Variants in PRTG observed in about 807,000 individuals in gnomAD.
PRTG encodes protogenin.
Under a neutral mutation model 122.5 loss-of-function variants are expected in PRTG, and 67 were observed. The observed-to-expected ratio is 0.55, with a 90% CI of 0.45 to 0.67. The LOEUF (loss-of-function observed/expected upper bound fraction) is 0.67. Among genes scored for constraint, PRTG ranks in the 30% least tolerant of loss-of-function variants. PRTG has a pLI of 0.00. For missense variants in PRTG, 1,435 were observed against 1,415.4 expected (o/e 1.01, Z -0.22); for synonymous variants, 554 against 501.1 (o/e 1.11, Z -1.41).
At chr15:55,730,625 C>A (rs1243870183) in intron 2 of PRTG, among the ~76,000 whole-genome samples, 2 of 151,894 alleles carry the variant, frequency 1.3e-5, no homozygotes, top group African/African-American at 4.8e-5. Context: ...ACAGTGAAAC[C>A]CCATCTCTAG....
intron 8 of PRTG, among the ~76,000 whole-genome samples, chr15:55,677,068 C>T (rs1022193205): frequency 6.6e-6 from 1 of 152,144 alleles, no homozygotes; most frequent in African/African-American, 2.4e-5. Flanking sequence ...TTCTAAGCCT[C>T]TACCATGGTT....
intron 2 of PRTG, among the ~76,000 whole-genome samples, chr15:55,711,783 T>C (rs1250020087): frequency 6.6e-6 from 1 of 152,210 alleles, no homozygotes; most frequent in Admixed American, 6.5e-5. Context: ...ATCCACAAGC[T>C]TGTAGACAAT....
In PRTG at chr15:55,711,081, A is replaced by T. The variant is rs111889081; in HGVS notation, c.398-27150T>A. Among the ~76,000 whole-genome samples, 1,051 of 115,240 alleles carry T rather than the reference A, an allele frequency of 9.1e-3. 1 individual carries two copies. Among genetic ancestry groups the T allele is most frequent in the Middle Eastern group, 0.023 (5 of 220 alleles). 75.6% of individuals were successfully genotyped at this position (115,240 alleles called of 152,430 possible). ...GCCACCACACCCAGCTAATTTTTGT[A>T]TTTTTTTTTTTTTTTTTTTTAGCAG... is the stretch of plus-strand genomic sequence containing the variant. On this transcript the variant is annotated intron_variant, in intron 2 of 19. Coordinates refer to ENST00000389286, the MANE Select transcript of PRTG (RefSeq NM_173814.6).
chr15:55,640,163 T>C (rs1338638455), intron 12 of PRTG, among the ~76,000 whole-genome samples: 2 of 152,176 alleles, frequency 1.3e-5, no homozygotes, highest in South Asian at 2.1e-4. Flanking sequence ...CTGGGCTTTA[T>C]GGTACAGCCT....
intron 2 of PRTG, among the ~76,000 whole-genome samples, chr15:55,736,624 G>C (rs1284496011): frequency 2.0e-5 from 3 of 151,950 alleles, no homozygotes; most frequent in Non-Finnish European, 2.9e-5. Context: ...AAAAGTTATA[G>C]AAATGCACCC....
intron 2 of PRTG, among the ~76,000 whole-genome samples, chr15:55,726,794 A>G (rs2031047943): frequency 6.6e-6 from 1 of 152,080 alleles, no homozygotes; most frequent in East Asian, 1.9e-4. Context: ...AGAAAATGCG[A>G]AGAAAATTAG....
intron 2 of PRTG, among the ~76,000 whole-genome samples, chr15:55,732,872 G>A (rs1365168444): frequency 6.6e-6 from 1 of 152,132 alleles, no homozygotes; most frequent in African/African-American, 2.4e-5. Flanking sequence ...TCCAATTTAG[G>A]TAGTAGGCCA....
chr15:55,742,768 C>A (rs2031655005), intron 1 of PRTG, 70 bp downstream of exon 1: 2 of 1,526,510 alleles, frequency 1.3e-6, no homozygotes, highest in African/African-American at 2.8e-5. Context: ...ATCGTTTCCT[C>A]TTTCCCCATC....
chr15:55,735,370 A>G (rs1195715837), intron 2 of PRTG, among the ~76,000 whole-genome samples: 2 of 152,206 alleles, frequency 1.3e-5, no homozygotes, highest in African/African-American at 4.8e-5. Context: ...TGGTTTTCAA[A>G]AAGGTAACCT....
At chr15:55,714,865 A>G (rs1055254142) in intron 2 of PRTG, among the ~76,000 whole-genome samples, 1 of 152,178 alleles carries the variant, frequency 6.6e-6, no homozygotes, top group Non-Finnish European at 1.5e-5. Flanking sequence ...TGTTTAATGA[A>G]GTCAAATGGT....
At chr15:55,723,436 G>A (rs2030904018) in intron 2 of PRTG, among the ~76,000 whole-genome samples, 1 of 150,994 alleles carries the variant, frequency 6.6e-6, no homozygotes. Context: ...GAGACATGTG[G>A]GGCACCATCA....
Position 55,638,535 on chromosome 15 carries a change from G to C in PRTG, c.2452+14C>G. ...TTTTTAAAGATAAAATCTATAGGGA[G>C]CTGTTTTCTTTACCTTCTGGAAGAG... On this transcript the variant is annotated intron_variant, in intron 14 of 19. Coordinates refer to ENST00000389286, the MANE Select transcript of PRTG (RefSeq NM_173814.6). 1.3e-6 allele frequency: 2 copies of C among 1,584,182 alleles called. No individual in the cohort carries two copies. The highest frequency in any genetic ancestry group is 1.7e-6 in the Non-Finnish European group (2 of 1,165,734).
At chr15:55,735,296 T>C (rs1183345738) in intron 2 of PRTG, among the ~76,000 whole-genome samples, 1 of 152,176 alleles carries the variant, frequency 6.6e-6, no homozygotes, top group Non-Finnish European at 1.5e-5. Context: ...TAATCAATTC[T>C]AACTGAGCAA....
intron 9 of PRTG, among the ~76,000 whole-genome samples, chr15:55,675,286 T>C (rs1335695859): frequency 6.6e-6 from 1 of 152,100 alleles, no homozygotes; most frequent in African/African-American, 2.4e-5. Context: ...CTAGTAACCT[T>C]TGAAGAAATA....
Position 55,742,974 on chromosome 15 carries a change from C to G in PRTG, c.-43G>C. 3 of 1,419,814 alleles carry G rather than the reference C, an allele frequency of 2.1e-6. No homozygotes were observed. In the African/African-American group the frequency reaches 4.5e-5, roughly 21 times the overall value. 88.0% of individuals were successfully genotyped at this position (1,419,814 alleles called of 1,614,324 possible). The stretch of plus-strand genomic sequence containing the variant: ...GCATGCTCCCCGGCCGCCCAGAGCC[C>G]CTGTCCGTCTGCGGCCCCCGCCCCG... On this transcript the variant is annotated 5_prime_UTR_variant, in exon 1 of 20. Transcript: ENST00000389286.
rs955137529 is a variant in PRTG at position 55,617,585 on chromosome 15, T to C, written c.*2427A>G. 4 of 152,078 alleles carry C rather than the reference T, an allele frequency of 2.6e-5. No individual in the cohort carries two copies. Among genetic ancestry groups the C allele is most frequent in the African/African-American group, 9.7e-5 (4 of 41,442 alleles). The allele number at this position is 152,078 out of a possible 1,614,324, so 9.4% of individuals were successfully genotyped here. On this transcript the variant is annotated 3_prime_UTR_variant, in exon 20 of 20. Transcript: ENST00000389286. ...AACAGAATTATTATGAAAAAGTCCGTATAAGAACAAAATGAAAAGGTAAAA... is the reference window on the plus strand; with the variant it reads ...AACAGAATTATTATGAAAAAGTCCGCATAAGAACAAAATGAAAAGGTAAAA...
chr15:55,717,433 A>T (rs1485722457), intron 2 of PRTG, among the ~76,000 whole-genome samples: 1 of 152,214 alleles, frequency 6.6e-6, no homozygotes, highest in Non-Finnish European at 1.5e-5. Flanking sequence ...AATTCTACGC[A>T]AGAGAAAAAA....
intron 3 of PRTG, among the ~76,000 whole-genome samples, chr15:55,683,333 G>T (rs1048034865): frequency 1.3e-5 from 2 of 151,984 alleles, no homozygotes; most frequent in African/African-American, 4.8e-5. Flanking sequence ...AATCCCAACC[G>T]CCCGCAGAAC....
At chr15:55,648,873 C>T (rs192545365) in intron 11 of PRTG, among the ~76,000 whole-genome samples, 8 of 151,666 alleles carry the variant, frequency 5.3e-5, no homozygotes, top group African/African-American at 1.2e-4. Flanking sequence ...CCAAGGCGGG[C>T]GGATTATGAC....
Sources: allele counts gnomAD v4.1 joint callset (sites outside exome capture counted in the v4.1 genomes callset), GRCh38; gene constraint gnomAD v4.1.1; transcripts MANE v1.5; gene names NCBI Gene and HGNC (gene_info 2026-07-23, HGNC 2026-07-21).